The following ZNF804B variants were observed in gnomAD, a reference collection of about 807,000 sequenced individuals.
ZNF804B encodes zinc finger 804B.
In ZNF804B, 80 loss-of-function variants were observed where a neutral mutation model predicts 101.4. The observed-to-expected ratio is 0.79, with a 90% CI of 0.66 to 0.95. The LOEUF (loss-of-function observed/expected upper bound fraction) is 0.95, where lower values mean the gene tolerates loss of function less well. Among genes scored for constraint, ZNF804B ranks in the 40% least tolerant of loss-of-function variants. The pLI is 0.00. For missense variants in ZNF804B, 1,673 were observed against 1,561.9 expected (o/e 1.07, Z -1.20); for synonymous variants, 622 against 558.8 (o/e 1.11, Z -1.59).
intron 1 of ZNF804B, among the ~76,000 whole-genome samples, chr7:88,866,474 T>C (rs1230833334): frequency 6.6e-6 from 1 of 152,202 alleles, no homozygotes; most frequent in Non-Finnish European, 1.5e-5. Context: ...ATGAGTAGTG[T>C]ATCTTCCCAA....
At chr7:89,237,172 CAAT>C (rs1412070217) in intron 2 of ZNF804B, among the ~76,000 whole-genome samples, 1 of 151,956 alleles carries the variant, frequency 6.6e-6, no homozygotes, top group Non-Finnish European at 1.5e-5. Context: ...ACATGAATAA[CAAT>C]AACATTTATA....
chr7:89,021,320 A>G lies in ZNF804B; in HGVS notation c.109-196835A>G, dbSNP rs372001908. ...TTGCAGGAGGTGAACTCACAGGACT[A>G]TGTCTCAGGCCAAGGGTACAAACAT... On this transcript the variant is annotated intron_variant, in intron 1 of 3. Coordinates refer to ENST00000333190, the MANE Select transcript of ZNF804B (RefSeq NM_181646.5). Among the ~76,000 whole-genome samples the G allele has an allele frequency of 3.2e-4, 48 of 152,260 alleles. No homozygotes were observed. In the South Asian group the frequency reaches 3.9e-3, roughly 12 times the overall value.
intron 1 of ZNF804B, among the ~76,000 whole-genome samples, chr7:88,883,846 T>C (rs922501486): frequency 6.6e-6 from 1 of 152,040 alleles, no homozygotes; most frequent in Non-Finnish European, 1.5e-5. Context: ...TTAATGCTAG[T>C]GTTGGTTACT....
intron 2 of ZNF804B, among the ~76,000 whole-genome samples, chr7:89,256,550 A>G (rs1789634423): frequency 6.6e-6 from 1 of 151,974 alleles, no homozygotes; most frequent in South Asian, 2.1e-4. Context: ...CAAAAAAAAA[A>G]AAAAGTGGAC....
intron 1 of ZNF804B, among the ~76,000 whole-genome samples, chr7:88,848,087 A>T (rs1372183246): frequency 6.6e-6 from 1 of 152,152 alleles, no homozygotes; most frequent in Non-Finnish European, 1.5e-5. Flanking sequence ...TGGCTTTCAC[A>T]AAGGGAGTGG....
At chr7:89,274,841 T>C (rs1258308195) in intron 2 of ZNF804B, among the ~76,000 whole-genome samples, 1 of 151,872 alleles carries the variant, frequency 6.6e-6, no homozygotes, top group African/African-American at 2.4e-5. Context: ...ACCACTCTTT[T>C]TCAGTCTCAC....
intron 1 of ZNF804B, among the ~76,000 whole-genome samples, chr7:88,946,569 TTG>T (rs1584032223): frequency 1.3e-5 from 2 of 150,720 alleles, no homozygotes; most frequent in African/African-American, 2.4e-5. Context: ...TTTTTTTTTT[TTG>T]TTTTATCTCT....
intron 2 of ZNF804B, among the ~76,000 whole-genome samples, chr7:89,316,013 G>T (rs1790721427): frequency 6.6e-6 from 1 of 152,160 alleles, no homozygotes; most frequent in Admixed American, 6.6e-5. Context: ...TTGTGTGTGT[G>T]TGTCTGTGTA....
intron 1 of ZNF804B, among the ~76,000 whole-genome samples, chr7:88,871,284 C>T (rs1032965851): frequency 1.3e-5 from 2 of 151,994 alleles, no homozygotes; most frequent in African/African-American, 4.8e-5. Context: ...ATTAGGGAAT[C>T]TGAACTGAAG....
intron 1 of ZNF804B, among the ~76,000 whole-genome samples, chr7:89,023,705 C>T (rs1357182938): frequency 6.6e-6 from 1 of 152,152 alleles, no homozygotes; most frequent in Non-Finnish European, 1.5e-5. Flanking sequence ...ATGAGAAACA[C>T]AGAAAATCCA....
intron 3 of ZNF804B, 117 bp downstream of exon 3, chr7:89,327,591 G>A: frequency 7.4e-7 from 1 of 1,345,554 alleles, no homozygotes; most frequent in Non-Finnish European, 1.0e-6. Context: ...AGATATGTCT[G>A]AAGGGCAAAT....
chr7:88,775,804 A>G (rs1044722876), intron 1 of ZNF804B, among the ~76,000 whole-genome samples: 1 of 152,194 alleles, frequency 6.6e-6, no homozygotes, highest in Non-Finnish European at 1.5e-5. Flanking sequence ...GCTTGGTGAC[A>G]AAGCTTGTCT....
intron 2 of ZNF804B, among the ~76,000 whole-genome samples, chr7:89,260,807 G>A (rs929662920): frequency 5.1e-4 from 78 of 152,212 alleles, no homozygotes; most frequent in African/African-American, 1.9e-3. Flanking sequence ...GTAAAAGTAG[G>A]CAGCTACAGC....
chr7:88,792,798 A>G (rs746652438), intron 1 of ZNF804B, among the ~76,000 whole-genome samples: 1 of 152,140 alleles, frequency 6.6e-6, no homozygotes, highest in African/African-American at 2.4e-5. Flanking sequence ...AACTTGAAAG[A>G]AACTTCAGTT....
At chr7:88,961,846 G>A (rs1457683899) in intron 1 of ZNF804B, among the ~76,000 whole-genome samples, 4 of 151,284 alleles carry the variant, frequency 2.6e-5, no homozygotes, top group Non-Finnish European at 4.4e-5. Context: ...AAGCCTTGAC[G>A]CTGCCCTGCC....
chr7:88,937,658 T>A (rs1374082432), intron 1 of ZNF804B, among the ~76,000 whole-genome samples: 1 of 150,640 alleles, frequency 6.6e-6, no homozygotes, highest in Non-Finnish European at 1.5e-5. Context: ...TAATTTCTTG[T>A]AAGATATCCA....
chr7:88,777,457 A>G (rs1790159798), intron 1 of ZNF804B, among the ~76,000 whole-genome samples: 1 of 152,252 alleles, frequency 6.6e-6, no homozygotes, highest in Non-Finnish European at 1.5e-5. Flanking sequence ...GTTTACAGGC[A>G]TGCAGTCCCA....
chr7:88,845,286 C>T (rs543503924), intron 1 of ZNF804B, among the ~76,000 whole-genome samples: 2,285 of 116,266 alleles, frequency 0.02, 61 homozygotes, highest in African/African-American at 0.081. Context: ...TGCGCACGCG[C>T]GCGCGCACGC....
intron 1 of ZNF804B, among the ~76,000 whole-genome samples, chr7:89,150,484 C>A (rs943810499): frequency 1.3e-5 from 2 of 152,032 alleles, no homozygotes; most frequent in African/African-American, 2.4e-5. Flanking sequence ...GTCATCCTGG[C>A]CTCCAGACGC....
Sources: allele counts gnomAD v4.1 joint callset (sites outside exome capture counted in the v4.1 genomes callset), GRCh38; gene constraint gnomAD v4.1.1; transcripts MANE v1.5; gene names NCBI Gene and HGNC (gene_info 2026-07-23, HGNC 2026-07-21).